PAX5: variants seen among roughly 807,000 people sequenced by gnomAD.
PAX5 encodes paired box protein Pax-5.
A neutral mutation model predicts 43.7 loss-of-function variants in PAX5; 9 were observed. The observed-to-expected ratio is 0.21, with a 90% CI of 0.12 to 0.36. PAX5 has a LOEUF of 0.36. Among genes scored for constraint, PAX5 ranks in the 10% least tolerant of loss-of-function variants. The pLI is 1.00. For missense variants in PAX5, 383 were observed against 532.7 expected (o/e 0.72, Z 2.77); for synonymous variants, 228 against 214.3 (o/e 1.06, Z -0.56).
intron 1 of PAX5, among the ~76,000 whole-genome samples, chr9:37,021,483 A>G (rs1028882524): frequency 6.6e-6 from 1 of 152,216 alleles, no homozygotes; most frequent in Non-Finnish European, 1.5e-5. Context: ...TACACACAGC[A>G]CATTCCACTC....
Position 36,962,298 on chromosome 9 carries a change from C to A in PAX5, c.780+4251G>T, listed in dbSNP as rs1227716227. On this transcript the variant is annotated intron_variant, in intron 6 of 9. Coordinates refer to ENST00000358127, the MANE Select transcript of PAX5 (RefSeq NM_016734.3). ...TAGCCAGAAAACTGGCCCCTGGAAT[C>A]GTCCTGGACCTGGAGGCCCATGGAA... Among the ~76,000 whole-genome samples the A allele has an allele frequency of 5.3e-5, 8 of 152,338 alleles. No individual in the cohort carries two copies. In the East Asian group the frequency reaches 9.6e-4, roughly 18 times the overall value.
At position 37,020,707 on chromosome 9, in the gene PAX5, T is replaced by C; in HGVS notation, c.141A>G (p.Gln47=). ...VRQRIVELAH[Q]GVRPCDISRQ... ...TGGAGATGTCGCAGGGCCTGACACC[T>C]TGATGAGCAAGTTCCACTATCCTCT... The change falls in exon 2 of 10, where the codon CAA becomes CAG. Residue 47 remains glutamine, a synonymous_variant. Coordinates refer to ENST00000358127, the MANE Select transcript of PAX5 (RefSeq NM_016734.3). The C allele has an allele frequency of 6.2e-7, 1 of 1,614,182 alleles. No homozygotes were observed. Among genetic ancestry groups the C allele is most frequent in the East Asian group, 2.2e-5 (1 of 44,894 alleles).
At chr9:36,848,690 C>A (rs1176038521) in intron 8 of PAX5, among the ~76,000 whole-genome samples, 1 of 152,156 alleles carries the variant, frequency 6.6e-6, no homozygotes, top group Non-Finnish European at 1.5e-5. Context: ...CAATGCCGAG[C>A]CCAGGGCATT....
In PAX5 at chr9:36,966,708, C is replaced by T. The variant is rs774759102; in HGVS notation, c.621G>A (p.Pro207=). ...CCGGAAGCGAGTGGCCGTTCGGCAC[C>T]GGAGACTCCTGAATACCTTTGATGA... is the stretch of plus-strand genomic sequence containing the variant. The part of the protein sequence containing the change: ...RKRDEGIQES[P]VPNGHSLPGR... The change falls in exon 6 of 10, where the codon CCG becomes CCA. Residue 207 remains proline (P), a synonymous_variant. Coordinates refer to ENST00000358127, the MANE Select transcript of PAX5 (RefSeq NM_016734.3). 5.6e-6 allele frequency: 9 copies of T among 1,614,070 alleles called. No homozygotes were observed. In the Admixed American group the frequency reaches 8.3e-5, roughly 15 times the overall value.
At chr9:36,966,816 G>T in intron 5 of PAX5, 92 bp from the exon 6 acceptor site, 1 of 1,155,962 alleles carries the variant, frequency 8.7e-7, no homozygotes, top group Non-Finnish European at 1.3e-6. Flanking sequence ...AAGAGGACCT[G>T]ACCCCAACTC....
intron 1 of PAX5, among the ~76,000 whole-genome samples, chr9:37,024,100 T>TC (rs1351585606): frequency 6.6e-6 from 1 of 152,168 alleles, no homozygotes; most frequent in Non-Finnish European, 1.5e-5. Context: ...TCCTTTTGTC[T>TC]CTCTGACCTC....
At position 36,840,572 on chromosome 9, in the gene PAX5, A is replaced by G; in HGVS notation, c.1164T>C (p.Tyr388=). The change falls in exon 10 of 10, where the codon TAT becomes TAC. Residue 388 remains tyrosine (Y), a synonymous_variant. Transcript: ENST00000358127. The stretch of plus-strand genomic sequence containing the variant: ...CTGGCTCCAAGGGTCAGTGACGGTC[A>G]TAGGCAGTGGCGGCTGCAGGTGGGG... The part of the protein sequence containing the change: ...GAAPPAAATA[Y]DRH 2 of 1,587,958 alleles carry G rather than the reference A, an allele frequency of 1.3e-6. No homozygotes were observed. Among genetic ancestry groups the G allele is most frequent in the Non-Finnish European group, 1.7e-6 (2 of 1,168,384 alleles).
rs528165930 is a variant in PAX5, at chr9:36,926,698, A to G, written c.781-3214T>C. Among the ~76,000 whole-genome samples the G allele has an allele frequency of 1.1e-4, 16 of 152,290 alleles. 1 individual carries two copies. In the South Asian group the frequency reaches 2.9e-3, roughly 28 times the overall value. ...CATCTTCTAGAGTTTCTGGGCCCCC[A>G]GGGGTAGGTCCCAGTTCCGCCCTCC... On this transcript the variant is annotated intron_variant, in intron 6 of 9. Transcript: ENST00000358127.
At chr9:36,924,186 A>G (rs2131972926) in intron 6 of PAX5, among the ~76,000 whole-genome samples, 1 of 152,348 alleles carries the variant, frequency 6.6e-6, no homozygotes, top group South Asian at 2.1e-4. Context: ...CTAATTTACC[A>G]AGTCCACACC....
At chr9:36,935,933 C>CA (rs1831518094) in intron 6 of PAX5, among the ~76,000 whole-genome samples, 1 of 152,240 alleles carries the variant, frequency 6.6e-6, no homozygotes, top group South Asian at 2.1e-4. Flanking sequence ...CCAGGGCCTC[C>CA]ACTCCTCCAC....
At chr9:36,999,877 C>T (rs1199958728) in intron 5 of PAX5, among the ~76,000 whole-genome samples, 1 of 152,044 alleles carries the variant, frequency 6.6e-6, no homozygotes, top group Non-Finnish European at 1.5e-5. Context: ...CTAATCATGC[C>T]CTTCTGATTG....
intron 6 of PAX5, among the ~76,000 whole-genome samples, chr9:36,960,098 C>T (rs1022804441): frequency 6.6e-6 from 1 of 152,156 alleles, no homozygotes. Context: ...TTGGTGCAGG[C>T]CGAATTGGTG....
intron 6 of PAX5, among the ~76,000 whole-genome samples, chr9:36,965,403 C>T (rs1476175583): frequency 3.3e-5 from 5 of 152,234 alleles, no homozygotes; most frequent in Non-Finnish European, 1.5e-5. Flanking sequence ...GCAAGTTGCT[C>T]TGCCTCTCTG....
intron 6 of PAX5, among the ~76,000 whole-genome samples, chr9:36,959,096 G>A (rs1481261728): frequency 6.6e-6 from 1 of 152,234 alleles, no homozygotes; most frequent in African/African-American, 2.4e-5. Context: ...CCACCCTAGT[G>A]AGGATTCCTC....
intron 6 of PAX5, 110 bp from the exon 7 acceptor site, chr9:36,923,594 G>A (rs1830358074): frequency 7.7e-7 from 1 of 1,303,698 alleles, no homozygotes; most frequent in Non-Finnish European, 1.1e-6. Context: ...CCATGCCTGT[G>A]CCAAGGCCCA....
chr9:36,861,861 G>A (rs1032161474), intron 8 of PAX5, among the ~76,000 whole-genome samples: 20 of 152,160 alleles, frequency 1.3e-4, no homozygotes, highest in Non-Finnish European at 1.9e-4. Context: ...CTGCAGCCAC[G>A]TTGTTGTGAA....
chr9:36,898,652 A>G (rs1365000963), intron 7 of PAX5, among the ~76,000 whole-genome samples: 2 of 152,206 alleles, frequency 1.3e-5, no homozygotes, highest in Non-Finnish European at 2.9e-5. Flanking sequence ...TCGGATGCAC[A>G]TTATGCGCGA....
At chr9:36,891,874 C>A (rs2131817573) in intron 7 of PAX5, among the ~76,000 whole-genome samples, 1 of 152,324 alleles carries the variant, frequency 6.6e-6, no homozygotes, top group Non-Finnish European at 1.5e-5. Flanking sequence ...ATCCACTAAC[C>A]AGGGAGCTGT....
intron 8 of PAX5, among the ~76,000 whole-genome samples, chr9:36,847,247 G>C (rs1009259878): frequency 6.6e-6 from 1 of 152,158 alleles, no homozygotes; most frequent in African/African-American, 2.4e-5. Flanking sequence ...TTACATATGA[G>C]AAGGCTGATG....
Sources: allele counts gnomAD v4.1 joint callset (sites outside exome capture counted in the v4.1 genomes callset), GRCh38; gene constraint gnomAD v4.1.1; transcripts MANE v1.5; gene names NCBI Gene and HGNC (gene_info 2026-07-23, HGNC 2026-07-21).